COPS3: variants seen among roughly 807,000 people sequenced by gnomAD.
The protein encoded by COPS3 is COP9 signalosome subunit 3, also known as COP9 signalosome complex subunit 3.
COPS3 carries 10 observed loss-of-function variants against 58.2 expected under a neutral mutation model. The ratio of observed to expected loss-of-function variants is 0.17; its 90% CI spans 0.11 to 0.29. The LOEUF (loss-of-function observed/expected upper bound fraction) is 0.29, where lower values mean the gene tolerates loss of function less well. Among genes scored for constraint, COPS3 ranks in the 10% least tolerant of loss-of-function variants. The pLI is 1.00. For synonymous variants in COPS3, 187 were observed against 181.7 expected (o/e 1.03, Z -0.24); for missense variants, 333 against 510.1 (o/e 0.65, Z 3.34).
intron 1 of COPS3, among the ~76,000 whole-genome samples, chr17:17,278,974 A>G (rs2048518232): frequency 6.6e-6 from 1 of 150,884 alleles, no homozygotes; most frequent in African/African-American, 2.4e-5. Context: ...TCCCAGGTTC[A>G]TGCCATTCTC....
At chr17:17,270,477 C>T (rs1003159715) in intron 4 of COPS3, among the ~76,000 whole-genome samples, 1 of 152,052 alleles carries the variant, frequency 6.6e-6, no homozygotes, top group Non-Finnish European at 1.5e-5. Flanking sequence ...AGACAAAACC[C>T]AGCATATTAC....
intron 1 of COPS3, among the ~76,000 whole-genome samples, chr17:17,279,395 A>T (rs1257994649): frequency 6.6e-6 from 1 of 152,190 alleles, no homozygotes; most frequent in Non-Finnish European, 1.5e-5. Flanking sequence ...TGAAGCTTCT[A>T]ACTACACTAC....
At chr17:17,263,218 G>T (rs1298974222) in intron 6 of COPS3, among the ~76,000 whole-genome samples, 2 of 151,288 alleles carry the variant, frequency 1.3e-5, no homozygotes, top group African/African-American at 4.8e-5. Context: ...AACCCGGGAG[G>T]CGGAGCTTGC....
intron 8 of COPS3, among the ~76,000 whole-genome samples, chr17:17,258,900 A>C (rs937012463): frequency 4.6e-5 from 7 of 152,176 alleles, no homozygotes; most frequent in Non-Finnish European, 1.0e-4. Flanking sequence ...CTATTCTAGA[A>C]GCTATGGCTA....
intron 6 of COPS3, among the ~76,000 whole-genome samples, chr17:17,263,664 C>A (rs920789978): frequency 2.5e-4 from 38 of 151,748 alleles, no homozygotes; most frequent in African/African-American, 8.5e-4. Flanking sequence ...CAGGCATGCA[C>A]CACCATGCCC....
rs1274779154 is a variant in COPS3, at chr17:17,247,146, C to T, written c.1224G>A (p.Met408Ile). Residue 408 changes from methionine (M) to isoleucine (I), a missense_variant, in exon 12 of 12, where the codon ATG becomes ATA. Physicochemically the swap from Met to Ile is conservative, Grantham distance 10. Coordinates refer to ENST00000268717, the MANE Select transcript of COPS3 (RefSeq NM_003653.4). ...TTCCTGAATCATCTTCTTGTGAGCC[C>T]ATACTCTGTAAAGGTAAAGTGAAGT... ...TVNPQFVQKS[M>I]GSQEDDSGNK... 3 of 1,613,578 alleles carry T rather than the reference C, an allele frequency of 1.9e-6. No individual in the cohort carries two copies. The highest frequency in any genetic ancestry group is 2.5e-6 in the Non-Finnish European group (3 of 1,179,674).
intron 1 of COPS3, among the ~76,000 whole-genome samples, chr17:17,276,560 T>C (rs983854773): frequency 6.6e-6 from 1 of 151,874 alleles, no homozygotes; most frequent in African/African-American, 2.4e-5. Context: ...TCATTTTTTG[T>C]CTGGACTACA....
chr17:17,254,834 A>AAT, intron 9 of COPS3, 25 bp downstream of exon 9: 1 of 1,430,628 alleles, frequency 7.0e-7, no homozygotes, highest in Non-Finnish European at 9.5e-7. Flanking sequence ...AAAAAAAAAG[A>AAT]AAAAGAAAAA....
chr17:17,250,251 C>A (rs998674019), intron 9 of COPS3, among the ~76,000 whole-genome samples: 3 of 139,446 alleles, frequency 2.2e-5, no homozygotes, highest in Non-Finnish European at 3.0e-5. Flanking sequence ...TAACTTACAT[C>A]GCCTTTTTTT....
Position 17,270,897 on chromosome 17 carries a change from A to C in COPS3, c.297T>G (p.Thr99=). ...AGAATAAAATGTTATTTAGCTTACA[A>C]GTGTCTGTTGCATATCGAATGTGCT... is the stretch of plus-strand genomic sequence containing the variant. ...NGEHIRYATD[T]FAGLCHQLTN... is the part of the protein sequence containing the mutation. The change falls in exon 3 of 12, where the codon ACT becomes ACG. Residue 99 remains threonine (T), a splice_region_variant and synonymous_variant. Coordinates refer to ENST00000268717, the MANE Select transcript of COPS3 (RefSeq NM_003653.4). 1 of 1,612,906 alleles carries C rather than the reference A, an allele frequency of 6.2e-7. No individual in the cohort carries two copies. The highest frequency in any genetic ancestry group is 1.3e-5 in the African/African-American group (1 of 74,918).
intron 11 of COPS3, 126 bp downstream of exon 11, chr17:17,247,354 C>A: frequency 1.0e-6 from 1 of 994,394 alleles, no homozygotes; most frequent in South Asian, 1.4e-5. Context: ...AGTATTTCTC[C>A]ATGACCGTAC....
chr17:17,258,202 G>A (rs2048019987), intron 8 of COPS3, among the ~76,000 whole-genome samples: 1 of 152,114 alleles, frequency 6.6e-6, no homozygotes, highest in South Asian at 2.1e-4. Flanking sequence ...CCACCACTTC[G>A]TGTCAACATA....
At chr17:17,280,571 T>C (rs2048557111) in intron 1 of COPS3, 2 of 1,283,098 alleles carry the variant, frequency 1.6e-6, no homozygotes, top group South Asian at 1.3e-5. Flanking sequence ...AATGGAGTCC[T>C]ACGAGCGAGA....
intron 8 of COPS3, among the ~76,000 whole-genome samples, chr17:17,256,925 A>G (rs1011480204): frequency 4.6e-5 from 7 of 152,254 alleles, no homozygotes; most frequent in East Asian, 1.9e-4. Flanking sequence ...TTTAAAACCT[A>G]CATATACTTT....
intron 2 of COPS3, 39 bp downstream of exon 2, chr17:17,275,996 T>C: frequency 6.4e-7 from 1 of 1,571,468 alleles, no homozygotes; most frequent in Non-Finnish European, 8.7e-7. Flanking sequence ...AGTGTTCCAT[T>C]TTAACAAGCA....
intron 4 of COPS3, among the ~76,000 whole-genome samples, chr17:17,269,982 C>T (rs2048309820): frequency 6.6e-6 from 1 of 152,038 alleles, no homozygotes; most frequent in South Asian, 2.1e-4. Context: ...ATGGTGAAAC[C>T]CCGTCTCTAC....
At chr17:17,263,021 G>T (rs1301733639) in intron 6 of COPS3, among the ~76,000 whole-genome samples, 1 of 151,726 alleles carries the variant, frequency 6.6e-6, no homozygotes, top group South Asian at 2.1e-4. Flanking sequence ...GGGCGTGTTG[G>T]CTCATGCCTG....
At chr17:17,273,610 G>T (rs755649983) in intron 2 of COPS3, among the ~76,000 whole-genome samples, 4 of 152,032 alleles carry the variant, frequency 2.6e-5, no homozygotes, top group Admixed American at 6.6e-5. Flanking sequence ...CAGGACTTTG[G>T]GAGGCTGAGA....
intron 9 of COPS3, among the ~76,000 whole-genome samples, chr17:17,251,132 C>G (rs2047833662): frequency 1.3e-5 from 2 of 150,262 alleles, no homozygotes; most frequent in Non-Finnish European, 3.0e-5. Flanking sequence ...GTAGCTGGGA[C>G]TACAGGCATC....
Sources: allele counts gnomAD v4.1 joint callset (sites outside exome capture counted in the v4.1 genomes callset), GRCh38; gene constraint gnomAD v4.1.1; transcripts MANE v1.5; gene names NCBI Gene and HGNC (gene_info 2026-07-23, HGNC 2026-07-21).